The following LPIN1 variants were observed in gnomAD, a reference collection of about 807,000 sequenced individuals.
LPIN1 encodes the protein phosphatidate phosphatase LPIN1.
LPIN1 carries 71 observed loss-of-function variants against 107.5 expected under a neutral mutation model. The ratio of observed to expected loss-of-function variants is 0.66; its 90% CI spans 0.55 to 0.80. The LOEUF (loss-of-function observed/expected upper bound fraction) is 0.80, where lower values mean the gene tolerates loss of function less well. LPIN1 is among the 30% of genes least tolerant of loss of function. The pLI, the probability that LPIN1 is intolerant of heterozygous loss-of-function variation, is 0.00. For missense variants in LPIN1, 1,043 were observed against 1,160.6 expected, an observed-to-expected ratio of 0.90 and a Z score of 1.47; for synonymous variants, 445 against 452.6, an observed-to-expected ratio of 0.98 and a Z score of 0.21.
intron 1 of LPIN1, among the ~76,000 whole-genome samples, chr2:11,727,094 G>A (rs1664742573): frequency 6.6e-6 from 1 of 152,270 alleles, no homozygotes; most frequent in Non-Finnish European, 1.5e-5. Context: ...CGCTAGAAAT[G>A]TTTGAGACTA....
rs374190632 is a variant in LPIN1 at position 11,824,784 on chromosome 2, C to T, written c.2774C>T (p.Ser925Leu). ...PFENQDIHSASA is the reference protein window; with the variant it reads ...PFENQDIHSALA ...GAAAACCAGGACATTCATTCTGCCT[C>T]AGCGTAAAATGTCCCAAGCAGCCTC... is the stretch of plus-strand genomic sequence containing the variant. Residue 925 changes from serine (S) to leucine (L), a missense_variant, in exon 21 of 21, where the codon TCA becomes TTA. By Grantham distance (145) the Ser-to-Leu change is moderately radical. Transcript: ENST00000674199. The T allele has an allele frequency of 1.1e-5, 18 of 1,614,196 alleles. No homozygotes were observed. The African/African-American group carries it at 1.9e-4, about 17-fold the overall frequency.
chr2:11,736,710 A>G (rs755780263), intron 1 of LPIN1, among the ~76,000 whole-genome samples: 3 of 152,242 alleles, frequency 2.0e-5, no homozygotes, highest in Non-Finnish European at 4.4e-5. Flanking sequence ...GAAATTTAGA[A>G]ATATCCATTG....
intron 8 of LPIN1, among the ~76,000 whole-genome samples, chr2:11,782,718 T>A (rs1298273452): frequency 6.6e-6 from 1 of 152,326 alleles, no homozygotes; most frequent in East Asian, 1.9e-4. Flanking sequence ...GAGGATCATG[T>A]AGCAAACTTC....
intron 1 of LPIN1, among the ~76,000 whole-genome samples, chr2:11,756,334 G>A (rs772489759): frequency 6.6e-6 from 1 of 152,154 alleles, no homozygotes; most frequent in Non-Finnish European, 1.5e-5. Flanking sequence ...GCAGATTCCT[G>A]AATTGTCCAT....
At position 11,694,021 on chromosome 2, in the gene LPIN1, G is replaced by A. The variant is rs577897498; in HGVS notation, c.81+16293G>A. 5.3e-5 allele frequency among the ~76,000 whole-genome samples: 8 copies of A among 150,770 alleles called. No individual in the cohort carries two copies. The South Asian group carries it at 1.7e-3, about 32-fold the overall frequency. ...GGCTAATTTTTGTATTTTAGTAGAG[G>A]TGGGGTTTCACCATCTTGGCCAGGC... On this transcript the variant is annotated intron_variant, in intron 1 of 21. Transcript: ENST00000449576.
chr2:11,714,429 C>G (rs1240297632), intron 2 of LPIN1, among the ~76,000 whole-genome samples: 1 of 152,192 alleles, frequency 6.6e-6, no homozygotes, highest in Non-Finnish European at 1.5e-5. Flanking sequence ...CCATCACTAC[C>G]CTCACTCCTC....
rs746711531 is a variant in LPIN1, at chr2:11,787,124, G to T, written c.1600G>T (p.Ala534Ser). The change falls in exon 11 of 21, where the codon GCT becomes TCT. Residue 534 changes from alanine to serine, a missense_variant. Ala to Ser is a moderately conservative substitution (Grantham distance 99). Transcript: ENST00000674199. The stretch of plus-strand genomic sequence containing the variant: ...ATATCAACAGTTTGTGGACAACCCC[G>T]CTATTATCGATGACCCCAATCTCGT... ...VSYQQFVDNP[A>S]IIDDPNLVVK... is the part of the protein sequence containing the mutation. The T allele has an allele frequency of 3.7e-6, 6 of 1,614,094 alleles. No individual in the cohort carries two copies. Among genetic ancestry groups the T allele is most frequent in the Non-Finnish European group, 5.1e-6 (6 of 1,179,956 alleles).
intron 11 of LPIN1, 83 bp downstream of exon 11, chr2:11,787,250 C>T: frequency 1.1e-6 from 1 of 943,172 alleles, no homozygotes; most frequent in Non-Finnish European, 1.7e-6. Context: ...GACATTAAGC[C>T]TTAGAAATAT....
chr2:11,729,279 C>T (rs1044312128), intron 1 of LPIN1, among the ~76,000 whole-genome samples: 3 of 152,080 alleles, frequency 2.0e-5, no homozygotes, highest in Non-Finnish European at 4.4e-5. Flanking sequence ...CAAACCTGCA[C>T]GTTCTGCACA....
chr2:11,761,269 T>C (rs148602810), intron 1 of LPIN1, among the ~76,000 whole-genome samples: 3 of 152,248 alleles, frequency 2.0e-5, no homozygotes, highest in Non-Finnish European at 4.4e-5. Context: ...TCATTTCTTA[T>C]ATTGTACATC....
In LPIN1 at chr2:11,705,419, C is replaced by T. The variant is rs77727857; in HGVS notation, c.82-8337C>T. On this transcript the variant is annotated intron_variant, in intron 1 of 21. Coordinates refer to the LPIN1 transcript ENST00000449576. ...GAAGGATGCTGTCATCAGCTGAGTA[C>T]GCAAACAAATGTAAATTTGCAAACT... Among the ~76,000 whole-genome samples, 34 of 152,322 alleles carry T rather than the reference C, an allele frequency of 2.2e-4. No individual in the cohort carries two copies. In the East Asian group the frequency reaches 4.0e-3, roughly 18 times the overall value.
chr2:11,791,217 G>T (rs534905314), intron 12 of LPIN1, among the ~76,000 whole-genome samples: 7 of 152,266 alleles, frequency 4.6e-5, no homozygotes, highest in Admixed American at 4.6e-4. Context: ...GTTACTAGCT[G>T]AGGTGTCAGC....
intron 17 of LPIN1, among the ~76,000 whole-genome samples, chr2:11,807,423 G>A (rs1403975971): frequency 6.6e-6 from 1 of 152,100 alleles, no homozygotes; most frequent in African/African-American, 2.4e-5. Flanking sequence ...TCAGGATGTT[G>A]AGTAGTGCAC....
At chr2:11,703,531 A>G (rs13420573) in intron 1 of LPIN1, among the ~76,000 whole-genome samples, 24,320 of 152,178 alleles carry the variant, frequency 0.16, 2,182 homozygotes, top group East Asian at 0.3. Flanking sequence ...TGATAAAGCA[A>G]TAGGATTAGA....
At chr2:11,768,117 C>T (rs1216024906) in intron 3 of LPIN1, among the ~76,000 whole-genome samples, 1 of 152,216 alleles carries the variant, frequency 6.6e-6, no homozygotes, top group Non-Finnish European at 1.5e-5. Flanking sequence ...ATGGACTTCA[C>T]ACATGGGCCT....
At chr2:11,749,181 C>T (rs1252381816) in intron 1 of LPIN1, among the ~76,000 whole-genome samples, 1 of 152,178 alleles carries the variant, frequency 6.6e-6, no homozygotes, top group African/African-American at 2.4e-5. Context: ...TCAGTGACGT[C>T]ACAGGTTCTT....
At chr2:11,722,483 G>A (rs1455325258), upstream of LPIN1, 1 of 152,238 alleles carries the variant, frequency 6.6e-6, no homozygotes, top group African/African-American at 2.4e-5. Context: ...ATGGCCAGTA[G>A]GGACTGCAGT....
At chr2:11,743,985 C>A (rs1374201808), upstream of LPIN1, among the ~76,000 whole-genome samples, 1 of 152,236 alleles carries the variant, frequency 6.6e-6, no homozygotes, top group African/African-American at 2.4e-5. The surrounding 1 kb of genome is among the most constrained non-coding windows in gnomAD (Gnocchi z 4.7). Flanking sequence ...ATTGAAAAAT[C>A]TTCCAACCCC....
intron 17 of LPIN1, among the ~76,000 whole-genome samples, chr2:11,812,975 C>G (rs765382745): frequency 1.3e-4 from 20 of 152,040 alleles, no homozygotes; most frequent in Admixed American, 5.9e-4. Context: ...AGGTAGACAC[C>G]AACGGGGCCC....
Sources: allele counts gnomAD v4.1 joint callset (sites outside exome capture counted in the v4.1 genomes callset), GRCh38; gene constraint gnomAD v4.1.1; non-coding constraint Gnocchi (gnomAD v3.1); transcripts MANE v1.5; gene names NCBI Gene and HGNC (gene_info 2026-07-23, HGNC 2026-07-21).